ACTR8: variants seen among roughly 807,000 people sequenced by gnomAD.
The protein encoded by ACTR8 is actin-related protein 8.
In ACTR8, 70 loss-of-function variants were observed where a neutral mutation model predicts 84.3. That is an observed-to-expected ratio of 0.83 (90% CI 0.68 to 1.01). The LOEUF is 1.01. ACTR8 is among the 50% of genes least tolerant of loss of function. ACTR8 has a pLI of 0.00. For synonymous variants in ACTR8, 268 were observed against 275.2 expected, an observed-to-expected ratio of 0.97 and a Z score of 0.26; for missense variants, 672 against 775.4, an observed-to-expected ratio of 0.87 and a Z score of 1.58.
downstream of ACTR8, chr3:53,865,017 T>C (rs2107036531): frequency 6.2e-7 from 1 of 1,614,180 alleles, no homozygotes; most frequent in Non-Finnish European, 8.5e-7. Context: ...TGTGCGATGG[T>C]ACCTGTGGCA....
At position 53,876,086 on chromosome 3, in the gene ACTR8, G is replaced by GA; in HGVS notation, c.779-7_779-6insT. Reference sequence around the variant, plus strand: ...CTCCTGATGGACCACAATCCCTGGGGGGGGAAAAGAAAAGGCAGAGTAGTC... The same window carrying GA: ...CTCCTGATGGACCACAATCCCTGGGGAGGGGAAAAGAAAAGGCAGAGTAGTC... On this transcript the variant is annotated splice_region_variant and splice_polypyrimidine_tract_variant and intron_variant, in intron 6 of 12. Transcript: ENST00000335754. 3.2e-6 allele frequency: 5 copies of GA among 1,582,434 alleles called. No individual in the cohort carries two copies. In the Admixed American group the frequency reaches 7.2e-5, roughly 23 times the overall value.
rs1306953926 is a variant in ACTR8, at chr3:53,869,913, T to C, written c.1731+69A>G. Reference sequence around the variant, plus strand: ...AGACACAAGCCCATGCCTCCCAGGATTTGATCTGTCCACATACAAGGCTGG... The same window carrying C: ...AGACACAAGCCCATGCCTCCCAGGACTTGATCTGTCCACATACAAGGCTGG... On this transcript the variant is annotated intron_variant, in intron 12 of 12. Coordinates refer to ENST00000335754, the MANE Select transcript of ACTR8 (RefSeq NM_022899.5). 3.2e-6 allele frequency: 5 copies of C among 1,560,764 alleles called. No homozygotes were observed. In the African/African-American group the frequency reaches 6.8e-5, roughly 21 times the overall value.
At position 53,874,263 on chromosome 3, in the gene ACTR8, A is replaced by C. The variant is rs568634138; in HGVS notation, c.1013T>G (p.Met338Arg). 6.2e-7 allele frequency: 1 copy of C among 1,614,154 alleles called. No individual in the cohort carries two copies. The highest frequency in any genetic ancestry group is 8.5e-7 in the Non-Finnish European group (1 of 1,180,006). The change falls in exon 8 of 13, where the codon ATG becomes AGG. Residue 338 changes from methionine to arginine, a missense_variant. By Grantham distance (91) the Met-to-Arg change is moderately conservative (BLOSUM62 -1). Coordinates refer to ENST00000335754, the MANE Select transcript of ACTR8 (RefSeq NM_022899.5). ...AAGGTGTTGCAGAAGAAGACAATCC[A>C]TTTTATTTGTTAACTGGCATTCTCT... Reference protein sequence around the residue: ...PYRECQLTNKMDCLLLQHLKE... With the variant: ...PYRECQLTNKRDCLLLQHLKE...
At chr3:53,873,455 G>C (rs1421578559) in intron 8 of ACTR8, among the ~76,000 whole-genome samples, 2 of 151,990 alleles carry the variant, frequency 1.3e-5, no homozygotes, top group Non-Finnish European at 2.9e-5. Flanking sequence ...TTAATATTTA[G>C]ATTACCTGAA....
In ACTR8 at chr3:53,874,247, C is replaced by T. The variant is rs761269023; in HGVS notation, c.1029G>A (p.Leu343=). Residue 343 remains leucine (L), a synonymous_variant, in exon 8 of 13, where the codon CTG becomes CTA. Coordinates refer to ENST00000335754, the MANE Select transcript of ACTR8 (RefSeq NM_022899.5). ...QLTNKMDCLL[L]QHLKETFCHL... Reference sequence around the variant, plus strand: ...GACAAAAAGTTTCTTTAAGGTGTTGCAGAAGAAGACAATCCATTTTATTTG... The same window carrying T: ...GACAAAAAGTTTCTTTAAGGTGTTGTAGAAGAAGACAATCCATTTTATTTG... 1.9e-5 allele frequency: 30 copies of T among 1,614,016 alleles called. No homozygotes were observed. The highest frequency in any genetic ancestry group is 2.5e-5 in the Non-Finnish European group (30 of 1,179,966).
At chr3:53,864,283 T>C (rs1303460293), downstream of ACTR8, among the ~76,000 whole-genome samples, 1 of 152,168 alleles carries the variant, frequency 6.6e-6, no homozygotes, top group Non-Finnish European at 1.5e-5. Context: ...ACGCCTGTAA[T>C]CCCAGCACTC....
chr3:53,866,547 C>T (rs1430016396), downstream of ACTR8, among the ~76,000 whole-genome samples: 1 of 151,644 alleles, frequency 6.6e-6, no homozygotes, highest in Non-Finnish European at 1.5e-5. Flanking sequence ...AGTGGCGTGA[C>T]CTCGGCTCAC....
At chr3:53,872,963 T>C in intron 9 of ACTR8, 69 bp downstream of exon 9, 2 of 1,230,700 alleles carry the variant, frequency 1.6e-6, no homozygotes, top group Non-Finnish European at 2.3e-6. Flanking sequence ...AGCAAGGGCA[T>C]ATTCTCTCAG....
At chr3:53,865,345 T>C (rs745605858), downstream of ACTR8, 1 of 1,510,342 alleles carries the variant, frequency 6.6e-7, no homozygotes, top group East Asian at 2.3e-5. Context: ...AAAGGCTTCC[T>C]ATCCCACCAA....
At chr3:53,873,935 CCG>C (rs1405099619) in intron 8 of ACTR8, among the ~76,000 whole-genome samples, 1 of 152,162 alleles carries the variant, frequency 6.6e-6, no homozygotes, top group African/African-American at 2.4e-5. Flanking sequence ...CGCCATTCTC[CCG>C]CCTCAGCCTC....
chr3:53,862,718 A>C (rs987718403), downstream of ACTR8, among the ~76,000 whole-genome samples: 13 of 152,192 alleles, frequency 8.5e-5, no homozygotes, highest in Admixed American at 1.3e-4. Flanking sequence ...GACATTAAAC[A>C]ATCTGGCAGG....
chr3:53,877,726 C>T lies in ACTR8; in HGVS notation c.431G>A (p.Arg144Gln), dbSNP rs1416966322. The T allele has an allele frequency of 1.9e-6, 3 of 1,614,010 alleles. No homozygotes were observed. The highest frequency in any genetic ancestry group is 2.2e-5 in the South Asian group (2 of 91,050). Reference sequence around the variant, plus strand: ...CGAACAGTGATCTAAAATTGCAGGTCGCATCTGCTTATTGTAGGAGCGTGC... The same window carrying T: ...CGAACAGTGATCTAAAATTGCAGGTTGCATCTGCTTATTGTAGGAGCGTGC... The part of the protein sequence containing the change: ...EQARSYNKQM[R>Q]PAILDHCSGN... The change falls in exon 4 of 13, where the codon CGA becomes CAA. Residue 144 changes from arginine to glutamine, a missense_variant. By Grantham distance (43) the Arg-to-Gln change is conservative. Transcript: ENST00000335754.
intron 12 of ACTR8, among the ~76,000 whole-genome samples, chr3:53,869,206 G>A (rs1314710885): frequency 3.9e-5 from 6 of 152,172 alleles, no homozygotes; most frequent in South Asian, 2.1e-4. Context: ...GCGTGAACCC[G>A]GGAGGCAGAG....
At chr3:53,879,302 T>C (rs1700025044) in intron 2 of ACTR8, among the ~76,000 whole-genome samples, 1 of 152,194 alleles carries the variant, frequency 6.6e-6, no homozygotes, top group African/African-American at 2.4e-5. Context: ...CACTAAAAAA[T>C]GGAACCCTAA....
At chr3:53,878,799 G>A (rs776280789) in intron 2 of ACTR8, among the ~76,000 whole-genome samples, 7 of 152,162 alleles carry the variant, frequency 4.6e-5, no homozygotes, top group Non-Finnish European at 1.5e-5. Context: ...ACTCCAGCCT[G>A]AAGAAGAGAG....
chr3:53,859,144 T>G, the ACTR8 span: 2 of 225,296 alleles, frequency 8.9e-6, no homozygotes, highest in Non-Finnish European at 8.7e-6. Context: ...TGGCTGGGTA[T>G]ATATGAGAAT....
At position 53,867,361 on chromosome 3, in the gene ACTR8, CAT is replaced by C. The variant is rs1699808137; in HGVS notation, c.*1356_*1357del. On this transcript the variant is annotated 3_prime_UTR_variant, in exon 13 of 13. Transcript: ENST00000335754. ...CTGTTAACAAATTTAAAAAATAAAA[CAT>C]ACAATTTTCAAATTGAAGGCACACA... The C allele has an allele frequency of 6.6e-6, 1 of 152,132 alleles. No individual in the cohort carries two copies. Among genetic ancestry groups the C allele is most frequent in the South Asian group, 2.1e-4 (1 of 4,830 alleles). The allele number at this position is 152,132 out of a possible 1,614,324, so 9.4% of individuals were successfully genotyped here. A position where few individuals can be genotyped will look rare whatever the true frequency, so the allele number is the denominator to read the frequency against.
chr3:53,875,729 G>A (rs957584579), intron 7 of ACTR8, among the ~76,000 whole-genome samples: 3 of 152,238 alleles, frequency 2.0e-5, no homozygotes, highest in African/African-American at 4.8e-5. Context: ...GGCTGCTGAT[G>A]TAAATTCCTA....
At chr3:53,863,225 T>A (rs1289047008), downstream of ACTR8, among the ~76,000 whole-genome samples, 1 of 152,214 alleles carries the variant, frequency 6.6e-6, no homozygotes, top group Non-Finnish European at 1.5e-5. Context: ...AGTTAAGTTG[T>A]GGGAAAATCA....
Sources: allele counts gnomAD v4.1 joint callset (sites outside exome capture counted in the v4.1 genomes callset), GRCh38; gene constraint gnomAD v4.1.1; transcripts MANE v1.5; gene names NCBI Gene and HGNC (gene_info 2026-07-23, HGNC 2026-07-21).